The following CACNA1D variants were observed in gnomAD, a reference collection of about 807,000 sequenced individuals.
CACNA1D encodes voltage-dependent L-type calcium channel subunit alpha-1D.
CACNA1D carries 55 observed loss-of-function variants against 257.1 expected under a neutral mutation model. The ratio of observed to expected loss-of-function variants is 0.21; its 90% CI spans 0.17 to 0.27. The LOEUF is 0.27. CACNA1D is among the 10% of genes least tolerant of loss of function. The probability of loss-of-function intolerance (pLI) is 1.00; values close to 1 mark genes in which losing one functional copy is unlikely to be tolerated. For synonymous variants in CACNA1D, 980 were observed against 1,014.9 expected (o/e 0.97, Z 0.65); for missense variants, 1,876 against 2,784.0 (o/e 0.67, Z 7.34).
At chr3:53,585,775 C>T (rs545258582) in intron 3 of CACNA1D, among the ~76,000 whole-genome samples, 11 of 152,154 alleles carry the variant, frequency 7.2e-5, no homozygotes, top group East Asian at 1.9e-4. Context: ...GTACCTTTCA[C>T]GAAGTGCTTT....
At chr3:53,785,430 A>G (rs944155466) in intron 39 of CACNA1D, 4 of 152,154 alleles carry the variant, frequency 2.6e-5, no homozygotes, top group East Asian at 1.9e-4. Context: ...GGAGGCCTGG[A>G]GAGGCAGCCC....
At chr3:53,725,680 C>T (rs1417818902) in intron 14 of CACNA1D, among the ~76,000 whole-genome samples, 1 of 152,128 alleles carries the variant, frequency 6.6e-6, no homozygotes, top group East Asian at 1.9e-4. Flanking sequence ...CTGTTCTTAT[C>T]AGGAGTGAGG....
Position 53,698,239 on chromosome 3 carries a change from G to A in CACNA1D, c.1221-4402G>A, listed in dbSNP as rs138214205. 1.2e-3 allele frequency among the ~76,000 whole-genome samples: 184 copies of A among 152,206 alleles called. 1 individual carries two copies. Among genetic ancestry groups the A allele is most frequent in the African/African-American group, 4.3e-3 (178 of 41,528 alleles). ...TCCCCAGAGGGTTCTTCTCTGTTCC[G>A]TGTTTCTGTGTCCCTCCTTCCACAG... On this transcript the variant is annotated intron_variant, in intron 8 of 47. Coordinates refer to ENST00000350061, the MANE Select transcript of CACNA1D (RefSeq NM_001128840.3).
At chr3:53,515,389 G>A (rs1227322976) in intron 3 of CACNA1D, among the ~76,000 whole-genome samples, 3 of 152,156 alleles carry the variant, frequency 2.0e-5, no homozygotes, top group South Asian at 4.1e-4. Flanking sequence ...ATTTGGAGTC[G>A]TGAAAACAAT....
chr3:53,719,440 G>C (rs1039278811), intron 10 of CACNA1D, among the ~76,000 whole-genome samples: 2 of 152,214 alleles, frequency 1.3e-5, no homozygotes, highest in African/African-American at 4.8e-5. Flanking sequence ...AGCAAATGCT[G>C]CTGTCGAGAT....
At chr3:53,720,150 G>A (rs2094866866) in intron 11 of CACNA1D, among the ~76,000 whole-genome samples, 1 of 152,100 alleles carries the variant, frequency 6.6e-6, no homozygotes, top group Admixed American at 6.5e-5. Context: ...TGTGCATGCG[G>A]GTTACGTGTT....
chr3:53,545,520 C>A (rs1238121304), intron 3 of CACNA1D, among the ~76,000 whole-genome samples: 1 of 152,090 alleles, frequency 6.6e-6, no homozygotes, highest in African/African-American at 2.4e-5. Context: ...GAGGTGATTC[C>A]CAGGGGAGCT....
At chr3:53,794,400 G>A (rs1328477254) in intron 40 of CACNA1D, among the ~76,000 whole-genome samples, 3 of 152,120 alleles carry the variant, frequency 2.0e-5, no homozygotes, top group Admixed American at 6.5e-5. Context: ...TCTTGGAAGG[G>A]CACATAATTC....
At chr3:53,545,804 G>T (rs1013973208) in intron 3 of CACNA1D, among the ~76,000 whole-genome samples, 7 of 152,210 alleles carry the variant, frequency 4.6e-5, no homozygotes, top group Admixed American at 3.3e-4. Flanking sequence ...GGGGCAGGGG[G>T]CAGGGAGGAG....
At chr3:53,742,900 T>G in intron 21 of CACNA1D, 111 bp from the exon 22 acceptor site, 1 of 781,556 alleles carries the variant, frequency 1.3e-6, no homozygotes, top group South Asian at 1.4e-5. Context: ...TCTGACTTCT[T>G]AATGCACACT....
At chr3:53,739,181 C>G (rs2095089939) in intron 20 of CACNA1D, among the ~76,000 whole-genome samples, 1 of 152,258 alleles carries the variant, frequency 6.6e-6, no homozygotes, top group South Asian at 2.1e-4. Context: ...TACGCCAGGC[C>G]TACTCCTTGC....
At chr3:53,743,508 T>C (rs569172651) in intron 22 of CACNA1D, among the ~76,000 whole-genome samples, 22 of 152,312 alleles carry the variant, frequency 1.4e-4, no homozygotes, top group Admixed American at 1.4e-3. Flanking sequence ...AGGTGGCCTT[T>C]CAGTTTTTCC....
intron 18 of CACNA1D, among the ~76,000 whole-genome samples, chr3:53,732,524 C>A (rs1242603809): frequency 1.3e-5 from 2 of 152,082 alleles, no homozygotes; most frequent in African/African-American, 2.4e-5. Flanking sequence ...GGGAGGTTGG[C>A]AGTGAGAATC....
intron 9 of CACNA1D, among the ~76,000 whole-genome samples, chr3:53,712,552 T>G (rs2094770821): frequency 6.6e-6 from 1 of 152,034 alleles, no homozygotes; most frequent in Non-Finnish European, 1.5e-5. Flanking sequence ...CTTTAGGGGG[T>G]GTGTGGGCTT....
At chr3:53,797,504 A>T (rs1169476084) in intron 40 of CACNA1D, among the ~76,000 whole-genome samples, 2 of 152,158 alleles carry the variant, frequency 1.3e-5, no homozygotes, top group African/African-American at 4.8e-5. Context: ...TGTCTCTTTA[A>T]TAAATATGTT....
intron 3 of CACNA1D, among the ~76,000 whole-genome samples, chr3:53,517,529 G>A (rs1337443849): frequency 6.6e-6 from 1 of 151,094 alleles, no homozygotes; most frequent in Non-Finnish European, 1.5e-5. Flanking sequence ...TGTCACCCAG[G>A]CTGGAGTGCA....
intron 3 of CACNA1D, among the ~76,000 whole-genome samples, chr3:53,522,808 T>C (rs2091629233): frequency 6.6e-6 from 1 of 152,188 alleles, no homozygotes; most frequent in Non-Finnish European, 1.5e-5. Flanking sequence ...TTTTGAAATA[T>C]ACAATAAATT....
chr3:53,651,419 A>ACTG (rs999398446), intron 4 of CACNA1D, among the ~76,000 whole-genome samples: 2 of 112,928 alleles, frequency 1.8e-5, no homozygotes, highest in African/African-American at 6.9e-5. Flanking sequence ...CTGGCATACT[A>ACTG]CTGTTCCATT....
At position 53,730,550 on chromosome 3, in the gene CACNA1D, T is replaced by C. The variant is rs1383031419; in HGVS notation, c.2330T>C (p.Ile777Thr). ...EEAEEKERKK[I>T]ARKESLENKK... ...GCGGAAGAAAAGGAGAGGAAAAAGA[T>C]TGCCAGGTAACCCTATTTTCCCCTG... is the stretch of plus-strand genomic sequence containing the variant. Residue 777 changes from isoleucine to threonine, a missense_variant, in exon 16 of 48, where the codon ATT (isoleucine) becomes ACT (threonine). Coordinates refer to ENST00000350061, the MANE Select transcript of CACNA1D (RefSeq NM_001128840.3). 2 of 1,611,244 alleles carry C rather than the reference T, an allele frequency of 1.2e-6. No individual in the cohort carries two copies. The highest frequency in any genetic ancestry group is 1.7e-5 in the Admixed American group (1 of 60,000).
Sources: allele counts gnomAD v4.1 joint callset (sites outside exome capture counted in the v4.1 genomes callset), GRCh38; gene constraint gnomAD v4.1.1; transcripts MANE v1.5; gene names NCBI Gene and HGNC (gene_info 2026-07-23, HGNC 2026-07-21).